The following MANEAL variants were observed in gnomAD, a reference collection of about 807,000 sequenced individuals.
The protein encoded by MANEAL is mannosidase endo-alpha like, also known as glycoprotein endo-alpha-1,2-mannosidase-like protein.
Under a neutral mutation model 35.9 loss-of-function variants are expected in MANEAL, and 28 were observed. That is an observed-to-expected ratio of 0.78 (90% confidence interval 0.58 to 1.07). MANEAL has a LOEUF of 1.07. Among genes scored for constraint, MANEAL ranks in the 50% least tolerant of loss-of-function variants. MANEAL has a pLI of 0.00. For synonymous variants in MANEAL, 286 were observed against 272.2 expected (o/e 1.05, Z -0.50); for missense variants, 576 against 629.6 (o/e 0.91, Z 0.91).
At chr1:37,798,619 G>C (rs896963043) in intron 3 of MANEAL, among the ~76,000 whole-genome samples, 1 of 152,044 alleles carries the variant, frequency 6.6e-6, no homozygotes. Flanking sequence ...TATTGTCCCA[G>C]CTATTTGGGG....
chr1:37,799,982 G>C lies in MANEAL; in HGVS notation c.1153G>C (p.Glu385Gln). 1 of 1,614,244 alleles carries C rather than the reference G, an allele frequency of 6.2e-7. No individual in the cohort carries two copies. Among genetic ancestry groups the C allele is most frequent in the Admixed American group, 1.7e-5 (1 of 60,034 alleles). Residue 385 changes from glutamate (E) to glutamine (Q), a missense_variant, in exon 4 of 4, where the codon GAG becomes CAG. This residue lies in a region of MANEAL where 449 missense variants were observed against 516.1 expected (regional missense o/e 0.87). Transcript: ENST00000373045. This position sits in a 1 kb window ranked among gnomAD's most constrained non-coding sequence, Gnocchi z 4.1. ...CAACAGGGTCAATGGCAAGTACTAT[G>C]AGACGGCCCTGCAGGCGGCCCTGAC... Reference protein sequence around the residue: ...TRNRVNGKYYETALQAALTVR... With the variant: ...TRNRVNGKYYQTALQAALTVR...
At chr1:37,796,411 T>C (rs981799581) in intron 2 of MANEAL, among the ~76,000 whole-genome samples, 1 of 152,168 alleles carries the variant, frequency 6.6e-6, no homozygotes, top group African/African-American at 2.4e-5. Flanking sequence ...ATCACAGCAG[T>C]TTTCCACTGA....
chr1:37,799,147 T>G lies in MANEAL; in HGVS notation c.738-420T>G, dbSNP rs530225. 0.59 allele frequency among the ~76,000 whole-genome samples: 89,441 copies of G among 151,850 alleles called. 28,366 individuals carry two copies. Among genetic ancestry groups the G allele is most frequent in the Non-Finnish European group, 0.71 (48,470 of 67,942 alleles). On this transcript the variant is annotated intron_variant, in intron 3 of 3. Transcript: ENST00000373045. This position sits in a 1 kb window ranked among gnomAD's most constrained non-coding sequence, Gnocchi z 4.1. ...CAAGCAGAGGGCTGGCAGATGCAAG[T>G]CCCATAAGATGGAACAAGCTTGCAT...
intron 2 of MANEAL, among the ~76,000 whole-genome samples, chr1:37,796,172 C>T (rs1646643626): frequency 6.6e-6 from 1 of 152,162 alleles, no homozygotes; most frequent in Non-Finnish European, 1.5e-5. Flanking sequence ...CCTGCAGACT[C>T]AACTCTCTAG....
intron 2 of MANEAL, 145 bp downstream of exon 2, chr1:37,795,991 G>C (rs1263002222): frequency 3.0e-6 from 2 of 665,234 alleles, no homozygotes; most frequent in Admixed American, 5.6e-5. Context: ...TTTTGGGGGA[G>C]GGTTCAGATA....
Position 37,799,522 on chromosome 1 carries a change from G to T in MANEAL, c.738-45G>T. ...CATCCACGGGAGGTCCTACAGCTGT[G>T]CTGGTCTCTCCCATCCAGCTGAGGC... On this transcript the variant is annotated intron_variant, in intron 3 of 3. Coordinates refer to ENST00000373045, the MANE Select transcript of MANEAL (RefSeq NM_001113482.2). This position sits in a 1 kb window ranked among gnomAD's most constrained non-coding sequence, Gnocchi z 4.1. 6.3e-7 allele frequency: 1 copy of T among 1,581,620 alleles called. No individual in the cohort carries two copies. Among genetic ancestry groups the T allele is most frequent in the South Asian group, 1.2e-5 (1 of 86,600 alleles).
In MANEAL at chr1:37,794,558, G is replaced by A. The variant is rs1444683456; in HGVS notation, c.376G>A (p.Asp126Asn). 2 of 1,611,940 alleles carry A rather than the reference G, an allele frequency of 1.2e-6. No homozygotes were observed. The highest frequency in any genetic ancestry group is 2.2e-5 in the East Asian group (1 of 44,848). ...PRREGHYIHW[D>N]HVMVPHWDPK... ...GCGCGAGGGCCACTACATTCACTGGGACCACGTCATGGTGCCGCACTGGGA... is the reference window on the plus strand; with the variant it reads ...GCGCGAGGGCCACTACATTCACTGGAACCACGTCATGGTGCCGCACTGGGA... Residue 126 changes from aspartate to asparagine, a missense_variant, in exon 1 of 4, where the codon GAC becomes AAC. By Grantham distance (23) the Asp-to-Asn change is conservative. Coordinates refer to ENST00000373045, the MANE Select transcript of MANEAL (RefSeq NM_001113482.2). The surrounding 1 kb of genome is among the most constrained non-coding windows in gnomAD (Gnocchi z 5.7).
In MANEAL at chr1:37,799,919, G is replaced by A. The variant is rs750668834; in HGVS notation, c.1090G>A (p.Asp364Asn). 1 of 1,614,236 alleles carries A rather than the reference G, an allele frequency of 6.2e-7. No individual in the cohort carries two copies. Among genetic ancestry groups the A allele is most frequent in the Non-Finnish European group, 8.5e-7 (1 of 1,180,044 alleles). ...FIPSVGPGYIDTSIRPWNNHN... is the reference protein window; with the variant it reads ...FIPSVGPGYINTSIRPWNNHN... ...CCCCAGTGTGGGGCCTGGCTACATAGACACCAGCATTCGGCCCTGGAACAA... is the reference window on the plus strand; with the variant it reads ...CCCCAGTGTGGGGCCTGGCTACATAAACACCAGCATTCGGCCCTGGAACAA... Residue 364 changes from aspartate (D) to asparagine (N), a missense_variant, in exon 4 of 4, where the codon GAC becomes AAC. Physicochemically the swap from Asp to Asn is conservative, Grantham distance 23. This residue lies in a region of MANEAL where 449 missense variants were observed against 516.1 expected (regional missense o/e 0.87). Transcript: ENST00000373045. The surrounding 1 kb of genome is among the most constrained non-coding windows in gnomAD (Gnocchi z 4.1).
Position 37,799,580 on chromosome 1 carries a change from G to A in MANEAL, c.751G>A (p.Gly251Ser). Reference sequence around the variant, plus strand: ...TCTCCTTCTCAGGTATGGCTCCCATGGTGCATTTTACCGCTATAAGAACAG... The same window carrying A: ...TCTCCTTCTCAGGTATGGCTCCCATAGTGCATTTTACCGCTATAAGAACAG... ...KYIIDTYGSHGAFYRYKNSMG... is the reference protein window; with the variant it reads ...KYIIDTYGSHSAFYRYKNSMG... The change falls in exon 4 of 4, where the codon GGT becomes AGT. Residue 251 changes from glycine (G) to serine (S), a missense_variant. Transcript: ENST00000373045. This position sits in a 1 kb window ranked among gnomAD's most constrained non-coding sequence, Gnocchi z 4.1. 6.2e-7 allele frequency: 1 copy of A among 1,613,260 alleles called. No homozygotes were observed. The highest frequency in any genetic ancestry group is 1.1e-5 in the South Asian group (1 of 91,058).
At position 37,793,921 on chromosome 1, in the gene MANEAL, G is replaced by C. The variant is rs1028439561; in HGVS notation, c.-262G>C. 1 of 159,112 alleles carries C rather than the reference G, an allele frequency of 6.3e-6. No homozygotes were observed. The highest frequency in any genetic ancestry group is 1.4e-5 in the Non-Finnish European group (1 of 72,874). 9.9% of individuals were successfully genotyped at this position (159,112 alleles called of 1,614,324 possible). A position where few individuals can be genotyped will look rare whatever the true frequency, so the allele number is the denominator to read the frequency against. The stretch of plus-strand genomic sequence containing the variant: ...GTCACGCGGCCTGACTCAGGCCCCT[G>C]CTCCTGTGGCCCCGAAACTCGCCGT... On this transcript the variant is annotated 5_prime_UTR_variant, in exon 1 of 4. Coordinates refer to ENST00000373045, the MANE Select transcript of MANEAL (RefSeq NM_001113482.2).
In MANEAL at chr1:37,799,209, G is replaced by A. The variant is rs1048133784; in HGVS notation, c.738-358G>A. Among the ~76,000 whole-genome samples, 1 of 152,186 alleles carries A rather than the reference G, an allele frequency of 6.6e-6. No homozygotes were observed. The highest frequency in any genetic ancestry group is 2.4e-5 in the African/African-American group (1 of 41,446). ...GCCGGATAGAAAGGCCAGATGGGGA[G>A]TAATAGCTGGGAAAAGAGCAGGAAT... On this transcript the variant is annotated intron_variant, in intron 3 of 3. Transcript: ENST00000373045. The surrounding 1 kb of genome is among the most constrained non-coding windows in gnomAD (Gnocchi z 4.1).
In MANEAL at chr1:37,800,997, C is replaced by T. The variant is rs10226; in HGVS notation, c.*794C>T. Reference sequence around the variant, plus strand: ...TCCAGAGCCTAATTTTTCCCAGATGCATATTTAGCTCTAGGGAGAGGACTA... The same window carrying T: ...TCCAGAGCCTAATTTTTCCCAGATGTATATTTAGCTCTAGGGAGAGGACTA... On this transcript the variant is annotated 3_prime_UTR_variant, in exon 4 of 4. Coordinates refer to ENST00000373045, the MANE Select transcript of MANEAL (RefSeq NM_001113482.2). 6.6e-6 allele frequency: 1 copy of T among 152,632 alleles called. No homozygotes were observed. Among genetic ancestry groups the T allele is most frequent in the Non-Finnish European group, 1.5e-5 (1 of 68,044 alleles). 9.5% of individuals were successfully genotyped at this position (152,632 alleles called of 1,614,324 possible). A position where few individuals can be genotyped will look rare whatever the true frequency, so the allele number is the denominator to read the frequency against.
In MANEAL at chr1:37,794,789, C is replaced by T. The variant is rs570417878; in HGVS notation, c.550+57C>T. 1.8e-6 allele frequency: 2 copies of T among 1,139,108 alleles called. No homozygotes were observed. The highest frequency in any genetic ancestry group is 1.5e-5 in the African/African-American group (1 of 65,010). The allele number at this position is 1,139,108 out of a possible 1,614,324, so 70.6% of individuals were successfully genotyped here. ...CCCCAGCCTCACCCTTCCTCCTTCC[C>T]ACACCCCAGCTCCCTCTGGTCCTGT... On this transcript the variant is annotated intron_variant, in intron 1 of 3. Transcript: ENST00000373045. This position sits in a 1 kb window ranked among gnomAD's most constrained non-coding sequence, Gnocchi z 5.7.
Position 37,794,801 on chromosome 1 carries a change from C to T in MANEAL, c.550+69C>T, listed in dbSNP as rs1197767290. On this transcript the variant is annotated intron_variant, in intron 1 of 3. Transcript: ENST00000373045. This position sits in a 1 kb window ranked among gnomAD's most constrained non-coding sequence, Gnocchi z 5.7. ...CCTTCCTCCTTCCCACACCCCAGCT[C>T]CCTCTGGTCCTGTCACCGGCCCTTT... The T allele has an allele frequency of 1.9e-6, 2 of 1,030,628 alleles. No individual in the cohort carries two copies. The highest frequency in any genetic ancestry group is 2.8e-6 in the Non-Finnish European group (2 of 704,430). The allele number at this position is 1,030,628 out of a possible 1,614,324, so 63.8% of individuals were successfully genotyped here.
chr1:37,795,820 G>T lies in MANEAL; in HGVS notation c.634G>T (p.Asp212Tyr). ...PSDDLVPAIL[D>Y]TAHQYSIQVA... ...AGATGACCTGGTGCCCGCCATTCTGGACACCGCCCATCAGTACAGCATCCA... is the reference window on the plus strand; with the variant it reads ...AGATGACCTGGTGCCCGCCATTCTGTACACCGCCCATCAGTACAGCATCCA... The change falls in exon 2 of 4, where the codon GAC becomes TAC. Residue 212 changes from aspartate to tyrosine, a missense_variant. Asp to Tyr is a radical substitution (Grantham distance 160). Transcript: ENST00000373045. The T allele has an allele frequency of 6.2e-7, 1 of 1,614,110 alleles. No individual in the cohort carries two copies. Among genetic ancestry groups the T allele is most frequent in the South Asian group, 1.1e-5 (1 of 91,080 alleles).
Position 37,794,666 on chromosome 1 carries a change from C to T in MANEAL, c.484C>T (p.Pro162Ser), listed in dbSNP as rs1310154612. 1 of 1,609,576 alleles carries T rather than the reference C, an allele frequency of 6.2e-7. No individual in the cohort carries two copies. The highest frequency in any genetic ancestry group is 8.5e-7 in the Non-Finnish European group (1 of 1,178,756). ...LGSSFYPELG[P>S]YSSRDPEVLR... ...CTCCAGCTTCTACCCGGAGCTGGGG[C>T]CCTACAGCTCCCGGGACCCCGAAGT... The change falls in exon 1 of 4, where the codon CCC becomes TCC. Residue 162 changes from proline (P) to serine (S), a missense_variant. By Grantham distance (74) the Pro-to-Ser change is moderately conservative. Coordinates refer to ENST00000373045, the MANE Select transcript of MANEAL (RefSeq NM_001113482.2). The surrounding 1 kb of genome is among the most constrained non-coding windows in gnomAD (Gnocchi z 5.7).
Position 37,794,648 on chromosome 1 carries a change from T to C in MANEAL, c.466T>C (p.Phe156Leu). 6.2e-7 allele frequency: 1 copy of C among 1,609,954 alleles called. No homozygotes were observed. The highest frequency in any genetic ancestry group is 1.3e-5 in the African/African-American group (1 of 74,824). ...CCCCCCAGACGACTTGGGCTCCAGCTTCTACCCGGAGCTGGGGCCCTACAG... is the reference window on the plus strand; with the variant it reads ...CCCCCCAGACGACTTGGGCTCCAGCCTCTACCCGGAGCTGGGGCCCTACAG... Reference protein sequence around the residue: ...HSPPDDLGSSFYPELGPYSSR... With the variant: ...HSPPDDLGSSLYPELGPYSSR... Residue 156 changes from phenylalanine (F) to leucine (L), a missense_variant, in exon 1 of 4, where the codon TTC (phenylalanine) becomes CTC (leucine). Physicochemically the swap from Phe to Leu is conservative, Grantham distance 22. Transcript: ENST00000373045. This position sits in a 1 kb window ranked among gnomAD's most constrained non-coding sequence, Gnocchi z 5.7.
At position 37,800,513 on chromosome 1, in the gene MANEAL, C is replaced by T; in HGVS notation, c.*310C>T. Reference sequence around the variant, plus strand: ...TTCTAGTTTTGAACTCTGCAGCAGGCTGGTGCTGTGTAGTGGCCACCCAGT... The same window carrying T: ...TTCTAGTTTTGAACTCTGCAGCAGGTTGGTGCTGTGTAGTGGCCACCCAGT... On this transcript the variant is annotated 3_prime_UTR_variant, in exon 4 of 4. Transcript: ENST00000373045. 2.4e-6 allele frequency: 1 copy of T among 409,562 alleles called. No individual in the cohort carries two copies. Among genetic ancestry groups the T allele is most frequent in the Non-Finnish European group, 4.5e-6 (1 of 219,898 alleles). The allele number at this position is 409,562 out of a possible 1,614,324, so 25.4% of individuals were successfully genotyped here.
intron 1 of MANEAL, chr1:37,795,486 G>A (rs534595062): frequency 3.0e-4 from 394 of 1,322,366 alleles, no homozygotes; most frequent in Middle Eastern, 1.8e-3. Context: ...ACTTGCTGAG[G>A]CAGTCTAAAG....
Sources: allele counts gnomAD v4.1 joint callset (sites outside exome capture counted in the v4.1 genomes callset), GRCh38; gene constraint gnomAD v4.1.1; regional missense constraint gnomAD v4.1.1; non-coding constraint Gnocchi (gnomAD v3.1); transcripts MANE v1.5; gene names NCBI Gene and HGNC (gene_info 2026-07-23, HGNC 2026-07-21).